WNK2: variants seen among roughly 807,000 people sequenced by gnomAD.
WNK2 encodes serine/threonine-protein kinase WNK2.
In WNK2, 67 loss-of-function variants were observed where a neutral mutation model predicts 192.1. That is an observed-to-expected ratio of 0.35 (90% CI 0.29 to 0.43). The LOEUF is 0.43. Ranked by LOEUF, WNK2 falls within the 20% of genes least tolerant of loss-of-function variation. The pLI, the probability that WNK2 is intolerant of heterozygous loss-of-function variation, is 1.00. For synonymous variants in WNK2, 1,439 were observed against 1,393.9 expected (o/e 1.03, Z -0.72); for missense variants, 2,698 against 3,089.7 (o/e 0.87, Z 3.01).
rs2132805663 is a variant in WNK2 at position 93,257,551 on chromosome 9, G to T, written c.2382+412G>T. ...CCATCTGCCCTCAGCTTACCCATGT[G>T]CCCAGGCTCATCCAGGATAGGAAAA... On this transcript the variant is annotated intron_variant, in intron 11 of 29. Coordinates refer to ENST00000427277, the MANE Select transcript of WNK2 (RefSeq NM_006648.4). The surrounding 1 kb of genome is among the most constrained non-coding windows in gnomAD (Gnocchi z 4.7). Among the ~76,000 whole-genome samples the T allele has an allele frequency of 6.6e-6, 1 of 152,336 alleles. No homozygotes were observed. The highest frequency in any genetic ancestry group is 6.5e-5 in the Admixed American group (1 of 15,308).
rs1023081527 is a variant in WNK2 at position 93,234,985 on chromosome 9, T to C, written c.1233+20T>C. 4 of 1,613,396 alleles carry C rather than the reference T, an allele frequency of 2.5e-6. No homozygotes were observed. The highest frequency in any genetic ancestry group is 1.6e-4 in the Middle Eastern group (1 of 6,080). Reference sequence around the variant, plus strand: ...ACCTGTGTGAGTCCACCTGGCCCCTTGGTTAATTAATAAGGACACAGAGGC... The same window carrying C: ...ACCTGTGTGAGTCCACCTGGCCCCTCGGTTAATTAATAAGGACACAGAGGC... On this transcript the variant is annotated intron_variant, in intron 5 of 29. Coordinates refer to ENST00000427277, the MANE Select transcript of WNK2 (RefSeq NM_006648.4).
intron 19 of WNK2, among the ~76,000 whole-genome samples, chr9:93,273,268 C>T (rs1260467042): frequency 6.6e-6 from 1 of 152,222 alleles, no homozygotes; most frequent in African/African-American, 2.4e-5. Context: ...GGCGATTCTC[C>T]TGCCTCAGCC....
rs527465776 is a variant in WNK2 at position 93,289,597 on chromosome 9, C to T, written c.4843C>T (p.Arg1615Cys). Residue 1615 changes from arginine to cysteine, a missense_variant, in exon 20 of 30, where the codon CGT (arginine) becomes TGT (cysteine). Transcript: ENST00000427277. ...PPVPKEAVSG[R>C]VQLPQPLVEK... ...AGTGCCTAAGGAGGCGGTCTCAGGG[C>T]GTGTCCAGCTGCCCCAGCCCTTGGT... 73 of 1,494,218 alleles carry T rather than the reference C, an allele frequency of 4.9e-5. No individual in the cohort carries two copies. In the East Asian group the frequency reaches 7.5e-4, roughly 15 times the overall value. The allele number at this position is 1,494,218 out of a possible 1,614,324, so 92.6% of individuals were successfully genotyped here.
In WNK2 at chr9:93,229,781, G is replaced by A. The variant is rs1334843923; in HGVS notation, c.767G>A (p.Arg256His). The change falls in exon 3 of 30, where the codon CGC (arginine) becomes CAC (histidine). Residue 256 changes from arginine (R) to histidine (H), a missense_variant. This residue lies in a region of WNK2 where 230 missense variants were observed against 501.1 expected (regional missense o/e 0.46). Coordinates refer to ENST00000427277, the MANE Select transcript of WNK2 (RefSeq NM_006648.4). This position sits in a 1 kb window ranked among gnomAD's most constrained non-coding sequence, Gnocchi z 4.9. Reference protein sequence around the residue: ...LKGLQHPNIVRFYDFWESSAK... With the variant: ...LKGLQHPNIVHFYDFWESSAK... ...GGCCTGCAGCACCCCAACATCGTGC[G>A]CTTCTACGACTTCTGGGAGTCCAGC... 1 of 1,613,892 alleles carries A rather than the reference G, an allele frequency of 6.2e-7. No homozygotes were observed.
intron 7 of WNK2, among the ~76,000 whole-genome samples, chr9:93,242,140 G>A (rs1840877818): frequency 6.6e-6 from 1 of 152,196 alleles, no homozygotes; most frequent in African/African-American, 2.4e-5. Flanking sequence ...AGTGGCCCAT[G>A]TCCTGGGCTG....
chr9:93,280,571 T>C (rs992576403), intron 19 of WNK2, among the ~76,000 whole-genome samples: 16 of 152,216 alleles, frequency 1.1e-4, no homozygotes, highest in Admixed American at 9.2e-4. Context: ...GCAGCGTTAT[T>C]GATAATAGCC....
rs1380111578 is a variant in WNK2 at position 93,289,088 on chromosome 9, C to T, written c.4334C>T (p.Ala1445Val). Reference sequence around the variant, plus strand: ...GCGGAGACTCACGAGGCCCCGCTTGCTGTGCAGCCCCTCGTGGTGGGCCTA... The same window carrying T: ...GCGGAGACTCACGAGGCCCCGCTTGTTGTGCAGCCCCTCGTGGTGGGCCTA... ...PLAETHEAPL[A>V]VQPLVVGLAP... Residue 1445 changes from alanine to valine, a missense_variant, in exon 20 of 30, where the codon GCT (alanine) becomes GTT (valine). Ala to Val is a moderately conservative substitution (Grantham distance 64). Around this residue, in one of 7 missense-constraint regions of WNK2, gnomAD observed 1,098 missense variants for 1,101.0 expected, o/e 1.00. Coordinates refer to ENST00000427277, the MANE Select transcript of WNK2 (RefSeq NM_006648.4). The T allele has an allele frequency of 4.4e-6, 7 of 1,608,014 alleles. No individual in the cohort carries two copies. Among genetic ancestry groups the T allele is most frequent in the Non-Finnish European group, 5.9e-6 (7 of 1,177,680 alleles).
chr9:93,312,258 G>A (rs1336027881), intron 28 of WNK2, among the ~76,000 whole-genome samples: 2 of 152,300 alleles, frequency 1.3e-5, no homozygotes, highest in East Asian at 3.9e-4. Context: ...TGCCTTTAGT[G>A]AAATACCCAA....
intron 2 of WNK2, among the ~76,000 whole-genome samples, chr9:93,214,538 A>G (rs922803313): frequency 1.3e-5 from 2 of 152,006 alleles, no homozygotes; most frequent in Admixed American, 6.6e-5. Flanking sequence ...TCCTGACCTT[A>G]AGTGATCTGC....
At chr9:93,258,084 G>A (rs1843603980) in intron 11 of WNK2, among the ~76,000 whole-genome samples, 1 of 152,218 alleles carries the variant, frequency 6.6e-6, no homozygotes, top group Non-Finnish European at 1.5e-5. Context: ...AGGACGTTAG[G>A]CAGCTTCAGG....
intron 8 of WNK2, among the ~76,000 whole-genome samples, 184 bp downstream of exon 8, chr9:93,248,018 G>A (rs75997636): frequency 0.025 from 3,768 of 152,358 alleles, 154 homozygotes; most frequent in African/African-American, 0.087. Flanking sequence ...CGTAGCGTGG[G>A]TGATTGCTTT....
At position 93,185,074 on chromosome 9, in the gene WNK2, T is replaced by C; in HGVS notation, c.145T>C (p.Ser49Pro). ...CTTTCTGCGGCGCAGCGTGGTAGAG[T>C]CGGACCAGGAGGAGCCGCCGGGCTT... is the stretch of plus-strand genomic sequence containing the variant. Reference protein sequence around the residue: ...QRFLRRSVVESDQEEPPGLEA... With the variant: ...QRFLRRSVVEPDQEEPPGLEA... The change falls in exon 2 of 30, where the codon TCG (serine) becomes CCG (proline). Residue 49 changes from serine (S) to proline (P), a missense_variant. Around this residue, in one of 7 missense-constraint regions of WNK2, gnomAD observed 260 missense variants for 285.6 expected, o/e 0.91. Coordinates refer to ENST00000427277, the MANE Select transcript of WNK2 (RefSeq NM_006648.4). 1 of 1,313,188 alleles carries C rather than the reference T, an allele frequency of 7.6e-7. No individual in the cohort carries two copies. Among genetic ancestry groups the C allele is most frequent in the East Asian group, 3.4e-5 (1 of 29,606 alleles). The allele number at this position is 1,313,188 out of a possible 1,614,324, so 81.3% of individuals were successfully genotyped here.
At chr9:93,296,838 T>C in intron 23 of WNK2, among the ~76,000 whole-genome samples, 1 of 82,568 alleles carries the variant, frequency 1.2e-5, no homozygotes, top group Non-Finnish European at 2.3e-5. Context: ...CTCATCTTCC[T>C]CCCCCTCCAT....
At chr9:93,242,689 C>A (rs1167629607) in intron 7 of WNK2, among the ~76,000 whole-genome samples, 1 of 152,194 alleles carries the variant, frequency 6.6e-6, no homozygotes, top group African/African-American at 2.4e-5. Flanking sequence ...AGTGGGATGG[C>A]TGAGGTTTTG....
intron 9 of WNK2, among the ~76,000 whole-genome samples, chr9:93,255,564 G>A (rs113807213): frequency 6.2e-4 from 94 of 152,286 alleles, no homozygotes; most frequent in African/African-American, 2.0e-3. Flanking sequence ...TTTTGGGCAT[G>A]CCATCACTCA....
At position 93,184,353 on chromosome 9, in the gene WNK2, G is replaced by A. The variant is rs1348280472; in HGVS notation, c.-35G>A. 6.6e-6 allele frequency among the ~76,000 whole-genome samples: 1 copy of A among 151,280 alleles called. No homozygotes were observed. The highest frequency in any genetic ancestry group is 1.9e-4 in the East Asian group (1 of 5,144). ...TCCCGCCTCGCACGCCCTGGCCGCC[G>A]GGCCGCGGGCATGGACGGCGTCCGC... On this transcript the variant is annotated 5_prime_UTR_variant, in exon 1 of 30. Coordinates refer to ENST00000427277, the MANE Select transcript of WNK2 (RefSeq NM_006648.4).
intron 16 of WNK2, among the ~76,000 whole-genome samples, chr9:93,264,554 C>T (rs1844858810): frequency 6.6e-6 from 1 of 152,190 alleles, no homozygotes; most frequent in Non-Finnish European, 1.5e-5. Flanking sequence ...CAGCCCCACA[C>T]CTGTGGTCCC....
intron 4 of WNK2, among the ~76,000 whole-genome samples, chr9:93,234,259 A>C (rs1564050739): frequency 6.6e-6 from 1 of 152,316 alleles, no homozygotes; most frequent in East Asian, 1.9e-4. Flanking sequence ...CCCCACCCTC[A>C]TTCAGGGACA....
chr9:93,236,827 G>A (rs1839890204), intron 5 of WNK2, among the ~76,000 whole-genome samples: 1 of 152,260 alleles, frequency 6.6e-6, no homozygotes, highest in African/African-American at 2.4e-5. Context: ...TGGTTAGAAA[G>A]GCCCGGCTCT....
Sources: gnomAD v4.1 joint callset for allele counts (sites outside exome capture counted in the v4.1 genomes callset) on GRCh38, gnomAD v4.1.1 for gene constraint, gnomAD v4.1.1 regional missense constraint, Gnocchi (gnomAD v3.1) non-coding constraint, MANE v1.5 for transcripts, NCBI Gene and HGNC (gene_info 2026-07-23, HGNC 2026-07-21) for gene names.